KCNQ3: variants seen among roughly 807,000 people sequenced by gnomAD.
KCNQ3 encodes potassium voltage-gated channel subfamily KQT member 3.
Under a neutral mutation model 92.5 loss-of-function variants are expected in KCNQ3, and 30 were observed. The ratio of observed to expected loss-of-function variants is 0.32; its 90% CI spans 0.24 to 0.44. The LOEUF is 0.44. KCNQ3 is among the 20% of genes least tolerant of loss of function. KCNQ3 has a pLI of 1.00. For missense variants in KCNQ3, 913 were observed against 1,140.3 expected (o/e 0.80, Z 2.87); for synonymous variants, 450 against 468.8 (o/e 0.96, Z 0.52).
At chr8:132,276,890 G>A (rs1816351139) in intron 1 of KCNQ3, among the ~76,000 whole-genome samples, 1 of 152,136 alleles carries the variant, frequency 6.6e-6, no homozygotes. Context: ...TCAGAGCAAT[G>A]CTGTGAGGCC....
chr8:132,257,764 AAAGAG>A (rs1268308137), intron 1 of KCNQ3, among the ~76,000 whole-genome samples: 2 of 111,298 alleles, frequency 1.8e-5, no homozygotes, highest in African/African-American at 5.5e-5. Flanking sequence ...AAAAAAAAAA[AAAGAG>A]AGAGAGAGAC....
At chr8:132,431,119 C>A (rs1013288798) in intron 1 of KCNQ3, among the ~76,000 whole-genome samples, 2 of 152,172 alleles carry the variant, frequency 1.3e-5, no homozygotes, top group Non-Finnish European at 2.9e-5. Flanking sequence ...CCAAGCCCAG[C>A]TCATCCCAGC....
intron 1 of KCNQ3, among the ~76,000 whole-genome samples, chr8:132,370,753 T>C (rs986939415): frequency 6.6e-6 from 1 of 152,116 alleles, no homozygotes; most frequent in African/African-American, 2.4e-5. Context: ...AATTTGTTAA[T>C]AAAAATATTA....
At chr8:132,474,717 G>T (rs1408168374) in intron 1 of KCNQ3, among the ~76,000 whole-genome samples, 1 of 152,058 alleles carries the variant, frequency 6.6e-6, no homozygotes. Context: ...GGAGTGGTAA[G>T]GTTACAGGAG....
intron 1 of KCNQ3, among the ~76,000 whole-genome samples, chr8:132,475,889 G>A (rs1822398766): frequency 6.6e-6 from 1 of 152,216 alleles, no homozygotes; most frequent in African/African-American, 2.4e-5. Context: ...TTTTGTGGCA[G>A]CCCCTCCAAT....
intron 1 of KCNQ3, among the ~76,000 whole-genome samples, chr8:132,452,640 C>G (rs1821848631): frequency 6.6e-6 from 1 of 152,168 alleles, no homozygotes; most frequent in South Asian, 2.1e-4. Context: ...CATTCCTCAC[C>G]CACAAGACAG....
chr8:132,257,203 G>T (rs1815618538), intron 1 of KCNQ3, among the ~76,000 whole-genome samples: 1 of 151,910 alleles, frequency 6.6e-6, no homozygotes, highest in South Asian at 2.1e-4. Flanking sequence ...TAAATTAAAA[G>T]AATTAATTTT....
intron 1 of KCNQ3, among the ~76,000 whole-genome samples, chr8:132,311,555 T>C (rs10094856): frequency 0.78 from 118,113 of 152,156 alleles, 46,314 homozygotes; most frequent in East Asian, 0.9. Flanking sequence ...TCTCCTAACT[T>C]ACAAACACCC....
intron 1 of KCNQ3, among the ~76,000 whole-genome samples, chr8:132,444,419 G>T (rs1191242058): frequency 1.3e-5 from 2 of 152,164 alleles, no homozygotes; most frequent in African/African-American, 2.4e-5. Flanking sequence ...TTGAATCAAG[G>T]ATTTTATTCC....
intron 1 of KCNQ3, among the ~76,000 whole-genome samples, chr8:132,212,056 C>G (rs1813878850): frequency 6.6e-6 from 1 of 151,978 alleles, no homozygotes; most frequent in African/African-American, 2.4e-5. Flanking sequence ...TCAACCCTGA[C>G]CCCCTGGGCT....
chr8:132,387,897 G>T (rs1467744300), intron 1 of KCNQ3, among the ~76,000 whole-genome samples: 1 of 151,818 alleles, frequency 6.6e-6, no homozygotes, highest in Admixed American at 6.6e-5. Flanking sequence ...AGTGAGCCAT[G>T]ATCGCCTCAC....
At chr8:132,441,583 AAAC>A (rs1369001261) in intron 1 of KCNQ3, among the ~76,000 whole-genome samples, 1 of 26,606 alleles carries the variant, frequency 3.8e-5, no homozygotes, top group Non-Finnish European at 8.0e-5. Flanking sequence ...AAACAAAACA[AAAC>A]AAACAAACAA....
chr8:132,259,814 C>T (rs536708473), intron 1 of KCNQ3, among the ~76,000 whole-genome samples: 1 of 152,088 alleles, frequency 6.6e-6, no homozygotes, highest in East Asian at 1.9e-4. Context: ...TTACAAGATA[C>T]AAGGTCAATA....
At chr8:132,433,994 G>A (rs1429657377) in intron 1 of KCNQ3, among the ~76,000 whole-genome samples, 3 of 152,040 alleles carry the variant, frequency 2.0e-5, no homozygotes, top group Non-Finnish European at 4.4e-5. Flanking sequence ...GGATCACGAG[G>A]TCAGGAGATC....
chr8:132,133,458 C>A (rs995341967), intron 13 of KCNQ3, among the ~76,000 whole-genome samples: 4 of 146,158 alleles, frequency 2.7e-5, no homozygotes, highest in African/African-American at 7.6e-5. Context: ...CTGGTTCAAG[C>A]GATTCTCCTG....
intron 1 of KCNQ3, among the ~76,000 whole-genome samples, chr8:132,194,543 C>T (rs528641370): frequency 2.0e-5 from 3 of 152,130 alleles, no homozygotes; most frequent in African/African-American, 7.2e-5. Flanking sequence ...GCCAGGAATG[C>T]GTTATTGAAA....
At chr8:132,309,393 C>A (rs1005268252) in intron 1 of KCNQ3, among the ~76,000 whole-genome samples, 3 of 152,248 alleles carry the variant, frequency 2.0e-5, no homozygotes, top group African/African-American at 7.2e-5. Context: ...AGGGGCTATT[C>A]TCTGCCTTAT....
At chr8:132,396,490 A>G (rs760555683) in intron 1 of KCNQ3, among the ~76,000 whole-genome samples, 1 of 152,018 alleles carries the variant, frequency 6.6e-6, no homozygotes, top group Non-Finnish European at 1.5e-5. Flanking sequence ...ATCAAAAGGA[A>G]GACATTTCTT....
intron 1 of KCNQ3, among the ~76,000 whole-genome samples, chr8:132,237,053 A>C (rs1347476843): frequency 2.0e-5 from 3 of 152,222 alleles, no homozygotes; most frequent in African/African-American, 4.8e-5. Flanking sequence ...TTGATTGCAG[A>C]CTTGTAGGAC....
Sources: allele counts gnomAD v4.1 joint callset (sites outside exome capture counted in the v4.1 genomes callset), GRCh38; gene constraint gnomAD v4.1.1; transcripts MANE v1.5; gene names NCBI Gene and HGNC (gene_info 2026-07-23, HGNC 2026-07-21).